OXCT1: variants seen among roughly 807,000 people sequenced by gnomAD.
OXCT1 encodes the protein 3-oxoacid CoA-transferase 1.
In OXCT1, 27 loss-of-function variants were observed where a neutral mutation model predicts 69.6. That is an observed-to-expected ratio of 0.39 (90% CI 0.29 to 0.54). The LOEUF is 0.54. Ranked by LOEUF, OXCT1 falls within the 20% of genes least tolerant of loss-of-function variation. OXCT1 has a pLI of 0.72. For synonymous variants in OXCT1, 202 were observed against 217.8 expected (o/e 0.93, Z 0.64); for missense variants, 437 against 650.2 (o/e 0.67, Z 3.57).
chr5:41,866,306 A>C (rs1749973657), intron 1 of OXCT1, among the ~76,000 whole-genome samples: 1 of 152,236 alleles, frequency 6.6e-6, no homozygotes, highest in African/African-American at 2.4e-5. Context: ...ATACTGTAGC[A>C]AATTAACCCA....
At chr5:41,825,406 A>C (rs1231110792) in intron 7 of OXCT1, among the ~76,000 whole-genome samples, 4 of 152,214 alleles carry the variant, frequency 2.6e-5, no homozygotes, top group Non-Finnish European at 5.9e-5. Context: ...ACATTCTAAC[A>C]GTTAAGTAAC....
At chr5:41,856,974 A>G (rs963508091) in intron 3 of OXCT1, among the ~76,000 whole-genome samples, 5 of 151,636 alleles carry the variant, frequency 3.3e-5, no homozygotes, top group African/African-American at 4.9e-5. Flanking sequence ...CCCAAATTCA[A>G]CTCCACTGCA....
chr5:41,820,164 A>T (rs1271319186), intron 7 of OXCT1, among the ~76,000 whole-genome samples: 2 of 152,212 alleles, frequency 1.3e-5, no homozygotes, highest in Admixed American at 1.3e-4. Context: ...TAGAGTCAAT[A>T]AATATATGAA....
chr5:41,804,900 G>A (rs149746473), intron 9 of OXCT1, among the ~76,000 whole-genome samples: 1 of 151,980 alleles, frequency 6.6e-6, no homozygotes, highest in South Asian at 2.1e-4. Flanking sequence ...TATCATATGC[G>A]ATCTGTATTT....
chr5:41,749,337 C>T (rs1348180274), intron 15 of OXCT1, among the ~76,000 whole-genome samples, 190 bp downstream of exon 15: 2 of 152,080 alleles, frequency 1.3e-5, no homozygotes, highest in Non-Finnish European at 2.9e-5. Context: ...GTTTTGTTTG[C>T]ATGTTTCCAA....
chr5:41,853,079 A>C (rs1414516680), intron 4 of OXCT1, among the ~76,000 whole-genome samples: 3 of 152,176 alleles, frequency 2.0e-5, no homozygotes, highest in Non-Finnish European at 2.9e-5. Flanking sequence ...TCAAAAAAAA[A>C]AATAAAAATA....
intron 16 of OXCT1, among the ~76,000 whole-genome samples, chr5:41,733,673 C>A (rs1742751189): frequency 6.6e-6 from 1 of 152,158 alleles, no homozygotes; most frequent in Admixed American, 6.5e-5. Flanking sequence ...GTCATGTCAG[C>A]CCTATTTTGA....
chr5:41,737,899 C>T (rs1742967832), intron 16 of OXCT1, among the ~76,000 whole-genome samples: 1 of 152,052 alleles, frequency 6.6e-6, no homozygotes, highest in African/African-American at 2.4e-5. Flanking sequence ...ACTAAAAATA[C>T]AAAAAATTAG....
At chr5:41,776,348 G>C (rs1745120007) in intron 13 of OXCT1, among the ~76,000 whole-genome samples, 1 of 152,144 alleles carries the variant, frequency 6.6e-6, no homozygotes, top group Non-Finnish European at 1.5e-5. Flanking sequence ...ACTGGGTGGG[G>C]GGAATATGGA....
Position 41,739,422 on chromosome 5 carries a change from C to T in OXCT1, c.1489G>A (p.Asp497Asn). The change falls in exon 16 of 17, where the codon GAC becomes AAC. Residue 497 changes from aspartate to asparagine, a missense_variant. Physicochemically the swap from Asp to Asn is conservative, Grantham distance 23 (BLOSUM62 1). Around this residue, in one of 4 missense-constraint regions of OXCT1, gnomAD observed 102 missense variants for 162.1 expected, o/e 0.63. Transcript: ENST00000196371. ...TCACACCCAGTACTCTTCTGTACGT[C>T]ATCCACTGTCAGGCCTTCCCAGAGC... ...IELWEGLTVD[D>N]VQKSTGCDFA... is the part of the protein sequence containing the mutation. 1 of 1,613,402 alleles carries T rather than the reference C, an allele frequency of 6.2e-7. No individual in the cohort carries two copies. The highest frequency in any genetic ancestry group is 1.6e-4 in the Middle Eastern group (1 of 6,062).
chr5:41,803,238 AT>A, intron 9 of OXCT1, 75 bp from the exon 10 acceptor site: 2 of 944,484 alleles, frequency 2.1e-6, no homozygotes, highest in East Asian at 4.9e-5. Context: ...ACATATACAG[AT>A]CTGAACAGAA....
chr5:41,733,483 G>A (rs1406460390), intron 16 of OXCT1, among the ~76,000 whole-genome samples: 4 of 152,118 alleles, frequency 2.6e-5, no homozygotes, highest in African/African-American at 7.2e-5. Context: ...CCGACCTCAG[G>A]TGATCCACCT....
At chr5:41,782,481 T>C (rs780053644) in intron 13 of OXCT1, among the ~76,000 whole-genome samples, 2 of 152,216 alleles carry the variant, frequency 1.3e-5, no homozygotes, top group African/African-American at 2.4e-5. Flanking sequence ...CCCAAAGTGC[T>C]GGGATTACAG....
chr5:41,840,516 A>C lies in OXCT1; in HGVS notation c.672-5T>G. The C allele has an allele frequency of 6.2e-7, 1 of 1,608,502 alleles. No individual in the cohort carries two copies. Among genetic ancestry groups the C allele is most frequent in the African/African-American group, 1.3e-5 (1 of 74,920 alleles). Reference sequence around the variant, plus strand: ...TTGAAATTCCTTGCACTTTTCCTACAGGGGTGGAGGAGATAAGAAAGTGGG... The same window carrying C: ...TTGAAATTCCTTGCACTTTTCCTACCGGGGTGGAGGAGATAAGAAAGTGGG... On this transcript the variant is annotated splice_polypyrimidine_tract_variant and splice_region_variant and intron_variant, in intron 6 of 16. Coordinates refer to ENST00000196371, the MANE Select transcript of OXCT1 (RefSeq NM_000436.4).
chr5:41,783,304 G>A (rs967023345), intron 13 of OXCT1, among the ~76,000 whole-genome samples: 1 of 152,174 alleles, frequency 6.6e-6, no homozygotes, highest in Non-Finnish European at 1.5e-5. Context: ...TTCGCCAACT[G>A]GGAATGTGAA....
chr5:41,803,975 C>T (rs1341324927), intron 9 of OXCT1, among the ~76,000 whole-genome samples: 1 of 152,010 alleles, frequency 6.6e-6, no homozygotes, highest in Non-Finnish European at 1.5e-5. Flanking sequence ...AATACCTCAC[C>T]AGAACTAGTA....
chr5:41,807,192 A>G, intron 8 of OXCT1, 139 bp downstream of exon 8: 1 of 679,782 alleles, frequency 1.5e-6, no homozygotes, highest in Non-Finnish European at 2.7e-6. Flanking sequence ...ATGATGATAG[A>G]CACATGAGAA....
At chr5:41,758,145 T>C (rs1236672412) in intron 14 of OXCT1, among the ~76,000 whole-genome samples, 2 of 151,874 alleles carry the variant, frequency 1.3e-5, no homozygotes, top group African/African-American at 4.8e-5. Context: ...ATTGATGCAA[T>C]ATTTATAGTG....
intron 7 of OXCT1, among the ~76,000 whole-genome samples, chr5:41,829,545 C>T (rs543211126): frequency 1.1e-4 from 17 of 152,102 alleles, no homozygotes; most frequent in South Asian, 4.1e-4. Context: ...GGAACTCTCT[C>T]GCATTACTGC....
Sources: allele counts gnomAD v4.1 joint callset (sites outside exome capture counted in the v4.1 genomes callset), GRCh38; gene constraint gnomAD v4.1.1; regional missense constraint gnomAD v4.1.1; transcripts MANE v1.5; gene names NCBI Gene and HGNC (gene_info 2026-07-23, HGNC 2026-07-21).